HDAC4: variants seen among roughly 807,000 people sequenced by gnomAD.
HDAC4 encodes histone deacetylase A.
In HDAC4, 16 loss-of-function variants were observed where a neutral mutation model predicts 135.1. The ratio of observed to expected loss-of-function variants is 0.12; its 90% CI spans 0.08 to 0.18. The LOEUF is 0.18. HDAC4 is among the 10% of genes least tolerant of loss of function. The probability of loss-of-function intolerance (pLI) is 1.00; values close to 1 mark genes in which losing one functional copy is unlikely to be tolerated. For missense variants in HDAC4, 1,143 were observed against 1,511.8 expected (o/e 0.76, Z 4.05); for synonymous variants, 685 against 653.4 (o/e 1.05, Z -0.74).
intron 17 of HDAC4, among the ~76,000 whole-genome samples, chr2:239,092,665 A>G (rs1574992768): frequency 6.6e-6 from 1 of 151,758 alleles, no homozygotes; most frequent in African/African-American, 2.4e-5. Context: ...AACTCAAGAG[A>G]CCCTCCTTCG....
intron 11 of HDAC4, among the ~76,000 whole-genome samples, chr2:239,127,779 G>T (rs1417350390): frequency 6.6e-6 from 1 of 152,154 alleles, no homozygotes; most frequent in Non-Finnish European, 1.5e-5. Context: ...CAAGGGCTAC[G>T]GGACCTCCAG....
chr2:239,365,606 C>T (rs1050452524), intron 1 of HDAC4, among the ~76,000 whole-genome samples: 2 of 152,096 alleles, frequency 1.3e-5, no homozygotes, highest in Non-Finnish European at 2.9e-5. Flanking sequence ...TTGCACAGGC[C>T]AGGGTCATCA....
intron 5 of HDAC4, among the ~76,000 whole-genome samples, chr2:239,168,644 G>A (rs1429048066): frequency 6.6e-6 from 1 of 152,120 alleles, no homozygotes; most frequent in African/African-American, 2.4e-5. Context: ...CGTGTCCCCC[G>A]CGCCGGCCCG....
chr2:239,250,667 C>T (rs763394910), intron 2 of HDAC4, among the ~76,000 whole-genome samples: 4 of 152,218 alleles, frequency 2.6e-5, no homozygotes, highest in Admixed American at 6.5e-5. Context: ...TTTAGAGGAA[C>T]GTCTTGGCCT....
chr2:239,206,182 G>C (rs2153085195), intron 3 of HDAC4, among the ~76,000 whole-genome samples: 1 of 152,212 alleles, frequency 6.6e-6, no homozygotes, highest in East Asian at 1.9e-4. Flanking sequence ...ACAAAAAATA[G>C]CCAAGTGTGG....
At chr2:239,148,828 C>T (rs2041926731) in intron 7 of HDAC4, among the ~76,000 whole-genome samples, 1 of 152,174 alleles carries the variant, frequency 6.6e-6, no homozygotes, top group Non-Finnish European at 1.5e-5. Context: ...CCAGAAGCAC[C>T]AGGCGGCCTG....
chr2:239,327,231 C>T (rs2053497642), intron 2 of HDAC4, among the ~76,000 whole-genome samples: 1 of 152,202 alleles, frequency 6.6e-6, no homozygotes, highest in African/African-American at 2.4e-5. Context: ...GCCGTACCCA[C>T]CTGGGAGGGA....
At chr2:239,327,774 G>A (rs62182107) in intron 2 of HDAC4, among the ~76,000 whole-genome samples, 2,169 of 152,044 alleles carry the variant, frequency 0.014, 56 homozygotes, top group African/African-American at 0.05. Flanking sequence ...CGGAAACCCA[G>A]AGCAAGCCTA....
At chr2:239,074,287 T>C (rs1388486645) in intron 22 of HDAC4, among the ~76,000 whole-genome samples, 1 of 152,286 alleles carries the variant, frequency 6.6e-6, no homozygotes, top group Non-Finnish European at 1.5e-5. Context: ...AGGCGTTTTG[T>C]GTGGACGCTG....
chr2:239,089,884 C>T, intron 18 of HDAC4, 125 bp downstream of exon 18: 2 of 752,450 alleles, frequency 2.7e-6, no homozygotes, highest in Non-Finnish European at 2.4e-6. Flanking sequence ...GAGTGGGGTC[C>T]ACGCCTCCCC....
intron 3 of HDAC4, among the ~76,000 whole-genome samples, chr2:239,230,179 C>G (rs1025525318): frequency 6.6e-6 from 1 of 151,940 alleles, no homozygotes; most frequent in Admixed American, 6.6e-5. Context: ...GCCTGTCCAA[C>G]CCCCCATTCC....
At chr2:239,058,101 G>A (rs1256901288) in intron 24 of HDAC4, among the ~76,000 whole-genome samples, 3 of 152,224 alleles carry the variant, frequency 2.0e-5, no homozygotes, top group Admixed American at 2.0e-4. Context: ...TGGGTGCTCT[G>A]TGTCTACTCT....
chr2:239,082,726 G>A (rs2035463922), intron 20 of HDAC4, among the ~76,000 whole-genome samples: 1 of 152,260 alleles, frequency 6.6e-6, no homozygotes, highest in Non-Finnish European at 1.5e-5. Flanking sequence ...GTGTCCGTGA[G>A]TGACAGGCAC....
chr2:239,101,233 C>T (rs1402979954), intron 16 of HDAC4, among the ~76,000 whole-genome samples: 3 of 152,184 alleles, frequency 2.0e-5, no homozygotes, highest in African/African-American at 7.2e-5. Context: ...AGGGGGGACT[C>T]CGGAAGCAGC....
At chr2:239,381,270 A>G (rs1023178271) in intron 1 of HDAC4, among the ~76,000 whole-genome samples, 3 of 152,232 alleles carry the variant, frequency 2.0e-5, no homozygotes, top group Admixed American at 1.3e-4. Context: ...GCAATTTACA[A>G]TTCAGCAATA....
At chr2:239,269,381 C>A (rs1282275409) in intron 2 of HDAC4, among the ~76,000 whole-genome samples, 1 of 152,138 alleles carries the variant, frequency 6.6e-6, no homozygotes, top group Non-Finnish European at 1.5e-5. Context: ...ATGCACCTAG[C>A]AAATATTGTA....
intron 3 of HDAC4, among the ~76,000 whole-genome samples, chr2:239,204,040 AG>A (rs762055633): frequency 6.6e-6 from 1 of 152,214 alleles, no homozygotes; most frequent in Non-Finnish European, 1.5e-5. Context: ...GGAAATAAAA[AG>A]CTCTTCATAG....
Position 239,354,562 on chromosome 2 carries a change from ATTTTTTTTTTTT to A in HDAC4, c.-219-1656_-219-1645del, listed in dbSNP as rs566361037. ...TTTTCTTGATTTAATTAGTCTAGAA[ATTTTTTTTTTTT>A]TTTTTTTTTTTTTTTTGCCAATTGC... On this transcript the variant is annotated intron_variant, in intron 1 of 26. Coordinates refer to ENST00000543185, the MANE Select transcript of HDAC4 (RefSeq NM_001378414.1). Among the ~76,000 whole-genome samples, 5 of 76,534 alleles carry A rather than the reference ATTTTTTTTTTTT, an allele frequency of 6.5e-5. No homozygotes were observed. The Admixed American group carries it at 7.1e-4, about 11-fold the overall frequency. The allele number at this position is 76,534 out of a possible 152,430, so 50.2% of individuals were successfully genotyped here.
chr2:239,092,557 C>T (rs2036616770), intron 17 of HDAC4, among the ~76,000 whole-genome samples: 2 of 152,312 alleles, frequency 1.3e-5, no homozygotes, highest in South Asian at 4.1e-4. Flanking sequence ...TGTGTCTGTG[C>T]CCCCTCCCAT....
Sources: allele counts gnomAD v4.1 joint callset (sites outside exome capture counted in the v4.1 genomes callset), GRCh38; gene constraint gnomAD v4.1.1; transcripts MANE v1.5; gene names NCBI Gene and HGNC (gene_info 2026-07-23, HGNC 2026-07-21).